Variants in APC observed in about 807,000 individuals in gnomAD.
APC encodes APC regulator of Wnt signaling pathway, also known as adenomatous polyposis coli protein.
In APC, 72 loss-of-function variants were observed where a neutral mutation model predicts 247.0. The ratio of observed to expected loss-of-function variants is 0.29; its 90% CI spans 0.24 to 0.35. APC has a LOEUF of 0.35. Ranked by LOEUF, APC falls within the 10% of genes least tolerant of loss-of-function variation. APC has a pLI of 1.00. For missense variants in APC, 3,400 were observed against 3,360.7 expected (o/e 1.01, Z -0.29); for synonymous variants, 1,254 against 1,162.5 (o/e 1.08, Z -1.60).
intron 1 of APC, among the ~76,000 whole-genome samples, chr5:112,721,419 A>T (rs916796760): frequency 2.6e-5 from 4 of 152,222 alleles, no homozygotes; most frequent in Non-Finnish European, 5.9e-5. Flanking sequence ...CTCAAAAAAT[A>T]AAAATAAAAT....
chr5:112,743,362 G>A (rs562857734), intron 1 of APC, among the ~76,000 whole-genome samples: 5 of 152,212 alleles, frequency 3.3e-5, no homozygotes, highest in South Asian at 2.1e-4. Flanking sequence ...TAAGTTTTGG[G>A]GACTAGGATT....
chr5:112,734,964 CTATT>C (rs1381914926), upstream of APC, among the ~76,000 whole-genome samples: 5 of 151,500 alleles, frequency 3.3e-5, no homozygotes, highest in African/African-American at 4.9e-5. Context: ...CCTATTAATC[CTATT>C]TAGTCATTTT....
At chr5:112,743,627 C>G (rs1284077632) in intron 1 of APC, among the ~76,000 whole-genome samples, 7 of 152,312 alleles carry the variant, frequency 4.6e-5, no homozygotes, top group Admixed American at 1.3e-4. Context: ...GTATCAGCTA[C>G]TTCTGACATA....
rs1469658332 is a variant in APC, at chr5:112,837,585, C to G, written c.1991C>G (p.Thr664Ser). ...CTAAGAGAGAACAACTGTCTACAAA[C>G]TTTATTACAACACTTAAAATCTCAT... ...QILRENNCLQ[T>S]LLQHLKSHSL... Residue 664 changes from threonine to serine, a missense_variant, in exon 16 of 16, where the codon ACT (threonine) becomes AGT (serine). Thr to Ser is a moderately conservative substitution (Grantham distance 58). Coordinates refer to ENST00000257430, the MANE Select transcript of APC (RefSeq NM_000038.6). 2 of 1,612,936 alleles carry G rather than the reference C, an allele frequency of 1.2e-6. No homozygotes were observed. The highest frequency in any genetic ancestry group is 1.7e-6 in the Non-Finnish European group (2 of 1,179,062).
intron 1 of APC, among the ~76,000 whole-genome samples, chr5:112,746,630 G>A (rs907455812): frequency 5.9e-5 from 9 of 152,192 alleles, no homozygotes; most frequent in Middle Eastern, 3.4e-3. Context: ...TGCTATTTAC[G>A]TTCAGCAACC....
intron 1 of APC, among the ~76,000 whole-genome samples, chr5:112,714,494 A>G (rs995767276): frequency 6.6e-6 from 1 of 152,232 alleles, no homozygotes; most frequent in African/African-American, 2.4e-5. Context: ...GACTTCATCC[A>G]GTGGCTCACA....
At chr5:112,750,552 A>G (rs1754238472) in intron 1 of APC, among the ~76,000 whole-genome samples, 1 of 151,918 alleles carries the variant, frequency 6.6e-6, no homozygotes, top group Non-Finnish European at 1.5e-5. Context: ...CTTAATACCA[A>G]TGTAGTATTT....
chr5:112,775,147 A>G (rs1052409335), intron 4 of APC, among the ~76,000 whole-genome samples: 8 of 152,260 alleles, frequency 5.3e-5, no homozygotes, highest in Admixed American at 1.3e-4. Context: ...TCTTATTTCA[A>G]AATGACAGTA....
intron 1 of APC, among the ~76,000 whole-genome samples, chr5:112,752,969 G>A (rs74985621): frequency 0.032 from 4,868 of 152,086 alleles, 101 homozygotes; most frequent in Non-Finnish European, 0.049. Flanking sequence ...TTGCCCATCC[G>A]GCTCTTTTTG....
chr5:112,771,753 A>G (rs1213500248), intron 4 of APC, among the ~76,000 whole-genome samples: 1 of 151,930 alleles, frequency 6.6e-6, no homozygotes, highest in Non-Finnish European at 1.5e-5. Flanking sequence ...TTTCTGTTAT[A>G]TTACTTCTTT....
chr5:112,795,444 A>T (rs1760114364), intron 7 of APC, among the ~76,000 whole-genome samples: 1 of 152,190 alleles, frequency 6.6e-6, no homozygotes, highest in Non-Finnish European at 1.5e-5. Context: ...CCACATGAGG[A>T]TTAAACTCGA....
chr5:112,829,330 T>TTGC, intron 14 of APC: 1 of 249,994 alleles, frequency 4.0e-6, no homozygotes. Context: ...AGATGGGGTT[T>TTGC]CACCATGTTG....
intron 6 of APC, among the ~76,000 whole-genome samples, chr5:112,784,191 C>T (rs534997887): frequency 6.6e-6 from 1 of 152,262 alleles, no homozygotes; most frequent in African/African-American, 2.4e-5. Context: ...CCTGAGCCTC[C>T]TGAGTAGCTG....
intron 4 of APC, 58 bp downstream of exon 4, chr5:112,767,448 G>A (rs2149790466): frequency 7.5e-7 from 1 of 1,332,304 alleles, no homozygotes; most frequent in South Asian, 1.2e-5. Flanking sequence ...TTGTTATTTT[G>A]TAATATAATA....
intron 1 of APC, among the ~76,000 whole-genome samples, chr5:112,744,968 C>T (rs1039858980): frequency 1.3e-5 from 2 of 152,112 alleles, no homozygotes; most frequent in Non-Finnish European, 2.9e-5. Flanking sequence ...AAATGAGTAA[C>T]ACCTACCTCA....
intron 7 of APC, among the ~76,000 whole-genome samples, chr5:112,800,354 G>T (rs2149708703): frequency 6.6e-6 from 1 of 152,070 alleles, no homozygotes; most frequent in Middle Eastern, 3.4e-3. Context: ...TATATTTCTG[G>T]ATTACTGAGT....
chr5:112,781,889 G>C (rs891711018), intron 6 of APC, among the ~76,000 whole-genome samples: 1 of 152,076 alleles, frequency 6.6e-6, no homozygotes, highest in Non-Finnish European at 1.5e-5. Context: ...GAGTAGCTGG[G>C]ATTACAGGCG....
At chr5:112,738,764 A>T (rs1752635571) in intron 1 of APC, among the ~76,000 whole-genome samples, 1 of 152,226 alleles carries the variant, frequency 6.6e-6, no homozygotes, top group Non-Finnish European at 1.5e-5. Context: ...CAGCAGAAAA[A>T]AAATTACTGT....
chr5:112,769,515 T>C lies in APC; in HGVS notation c.422+2125T>C, dbSNP rs541761360. Among the ~76,000 whole-genome samples the C allele has an allele frequency of 4.9e-5, 6 of 121,540 alleles. No individual in the cohort carries two copies. In the East Asian group the frequency reaches 2.0e-3, roughly 41 times the overall value. The allele number at this position is 121,540 out of a possible 152,430, so 79.7% of individuals were successfully genotyped here. On this transcript the variant is annotated intron_variant, in intron 4 of 15. Transcript: ENST00000257430. Reference sequence around the variant, plus strand: ...ATATAGATCATTATCAGGAACTTCGTCAAATGTTTTATGTCCCCTAAAAGA... The same window carrying C: ...ATATAGATCATTATCAGGAACTTCGCCAAATGTTTTATGTCCCCTAAAAGA...
Sources: allele counts gnomAD v4.1 joint callset (sites outside exome capture counted in the v4.1 genomes callset), GRCh38; gene constraint gnomAD v4.1.1; transcripts MANE v1.5; gene names NCBI Gene and HGNC (gene_info 2026-07-23, HGNC 2026-07-21).